Variants in DST observed in about 807,000 individuals in gnomAD.
DST encodes the protein bullous pemphigoid antigen.
DST carries 253 observed loss-of-function variants against 875.2 expected under a neutral mutation model. The observed-to-expected ratio is 0.29, with a 90% confidence interval of 0.26 to 0.32. The LOEUF (loss-of-function observed/expected upper bound fraction) is 0.32, where lower values mean the gene tolerates loss of function less well. Among genes scored for constraint, DST ranks in the 10% least tolerant of loss-of-function variants. DST has a pLI of 1.00. For missense variants in DST, 8,287 were observed against 9,111.6 expected (o/e 0.91, Z 3.68); for synonymous variants, 3,124 against 3,197.1 (o/e 0.98, Z 0.77).
chr6:56,576,941 G>A (rs112310223), intron 50 of DST, among the ~76,000 whole-genome samples: 55 of 152,236 alleles, frequency 3.6e-4, no homozygotes, highest in African/African-American at 1.1e-3. Flanking sequence ...TGGGCTAAAC[G>A]AAGACACTGT....
At chr6:56,843,709 G>T in intron 4 of DST, 1 of 356,360 alleles carries the variant, frequency 2.8e-6, no homozygotes, top group Non-Finnish European at 3.8e-6. Flanking sequence ...GGAGGGAGGA[G>T]GGTGGAGGGT....
chr6:56,604,129 C>A lies in DST; in HGVS notation c.10499G>T (p.Gly3500Val). ...AACATGTTCTATTTTCTCTGAATATCCATCAGCAAGCAGTTTGTAGAAAAT... is the reference window on the plus strand; with the variant it reads ...AACATGTTCTATTTTCTCTGAATATACATCAGCAAGCAGTTTGTAGAAAAT... ...ENIFYKLLAD[G>V]YSEKIEHVGD... Residue 3500 changes from glycine (G) to valine (V), a missense_variant, in exon 40 of 104, where the codon GGA becomes GTA. Gly to Val is a moderately radical substitution (Grantham distance 109). Transcript: ENST00000680361. The A allele has an allele frequency of 6.3e-7, 1 of 1,581,090 alleles. No individual in the cohort carries two copies. The highest frequency in any genetic ancestry group is 8.6e-7 in the Non-Finnish European group (1 of 1,161,322).
chr6:56,529,237 A>C (rs531422344), intron 66 of DST, among the ~76,000 whole-genome samples: 8 of 152,322 alleles, frequency 5.3e-5, no homozygotes, highest in Admixed American at 2.0e-4. Flanking sequence ...CAATAAAATA[A>C]CAAAATGAAA....
intron 9 of DST, chr6:56,693,383 G>A (rs2099245076): frequency 5.4e-6 from 6 of 1,117,432 alleles, no homozygotes; most frequent in Non-Finnish European, 6.6e-6. Flanking sequence ...CTTATTTCTG[G>A]CCACCAATCC....
chr6:56,648,099 G>T (rs1294245281), intron 13 of DST, among the ~76,000 whole-genome samples: 1 of 152,208 alleles, frequency 6.6e-6, no homozygotes, highest in Non-Finnish European at 1.5e-5. Flanking sequence ...AGTCAGACAT[G>T]TATTTTCAAA....
chr6:56,590,720 T>C (rs2098257148), intron 49 of DST, among the ~76,000 whole-genome samples: 1 of 152,158 alleles, frequency 6.6e-6, no homozygotes, highest in Admixed American at 6.5e-5. Flanking sequence ...ATCTCCCTAG[T>C]GTCCAGTGAA....
chr6:56,890,507 G>A (rs1786875411), intron 3 of DST, among the ~76,000 whole-genome samples: 1 of 152,146 alleles, frequency 6.6e-6, no homozygotes, highest in African/African-American at 2.4e-5. Context: ...AAATACATAT[G>A]TACTGAGAGG....
chr6:56,601,974 C>T (rs775351546), intron 43 of DST: 2 of 443,914 alleles, frequency 4.5e-6, no homozygotes, highest in Admixed American at 6.6e-5. Flanking sequence ...AAAGACCTAA[C>T]TTAGGTATAT....
At chr6:56,770,868 T>C (rs2099656397) in intron 4 of DST, among the ~76,000 whole-genome samples, 1 of 151,756 alleles carries the variant, frequency 6.6e-6, no homozygotes, top group African/African-American at 2.4e-5. Flanking sequence ...TGCATGGTGG[T>C]GCATGCCTGT....
rs766096264 is a variant in DST, at chr6:56,603,790, C to A, written c.10791+47G>T. On this transcript the variant is annotated intron_variant, in intron 40 of 103. Transcript: ENST00000680361. ...AAGCAAATGTATGGGATTATTCTCA[C>A]ATGGTTCATGCAGCTTTTTCTGTAT... The A allele has an allele frequency of 5.1e-6, 8 of 1,583,600 alleles. No individual in the cohort carries two copies. The East Asian group carries it at 1.3e-4, about 27-fold the overall frequency.
At chr6:56,745,218 C>T (rs138174914) in intron 4 of DST, among the ~76,000 whole-genome samples, 28 of 152,336 alleles carry the variant, frequency 1.8e-4, no homozygotes, top group East Asian at 5.8e-4. Context: ...GTTATTTCCA[C>T]GTAATTTCTT....
intron 3 of DST, among the ~76,000 whole-genome samples, chr6:56,897,280 C>T (rs1051635751): frequency 1.4e-5 from 2 of 140,118 alleles, no homozygotes; most frequent in African/African-American, 2.8e-5. Flanking sequence ...AATATCTTGG[C>T]AAAGAATACT....
chr6:56,777,016 C>T (rs2099680502), intron 4 of DST, among the ~76,000 whole-genome samples: 1 of 152,122 alleles, frequency 6.6e-6, no homozygotes, highest in African/African-American at 2.4e-5. Context: ...GTTTGGTCAT[C>T]CTAACATGGT....
Position 56,592,251 on chromosome 6 carries a change from C to T in DST, c.12834G>A (p.Ala4278=), listed in dbSNP as rs200168835. ...CAATAGGTTCAGATAAGTGTTTGCT[C>T]GCTGTGGCCTCACAGGCCTGGAGTC... ...LAGLQACEAT[A]SKHLSEPIAV... Residue 4278 remains alanine, a synonymous_variant, in exon 49 of 104, where the codon GCG becomes GCA. Coordinates refer to ENST00000680361, the MANE Select transcript of DST (RefSeq NM_001374736.1). The T allele has an allele frequency of 2.5e-4, 396 of 1,613,226 alleles. No individual in the cohort carries two copies. The highest frequency in any genetic ancestry group is 3.1e-4 in the Non-Finnish European group (360 of 1,179,630).
At chr6:56,863,277 C>A (rs1482462810) in intron 3 of DST, 1 of 152,200 alleles carries the variant, frequency 6.6e-6, no homozygotes, top group Non-Finnish European at 1.5e-5. Flanking sequence ...TGTCCCCTTT[C>A]ACACAGGAGT....
Position 56,607,355 on chromosome 6 carries a change from C to G in DST, c.7273G>C (p.Asp2425His), listed in dbSNP as rs770111085. The G allele has an allele frequency of 6.2e-7, 1 of 1,613,030 alleles. No homozygotes were observed. The highest frequency in any genetic ancestry group is 1.7e-5 in the Admixed American group (1 of 59,896). Residue 2425 changes from aspartate to histidine, a missense_variant, in exon 40 of 104, where the codon GAT (aspartate) becomes CAT (histidine). Physicochemically the swap from Asp to His is moderately conservative, Grantham distance 81. Around this residue, in one of 10 missense-constraint regions of DST, gnomAD observed 3,138 missense variants for 3,116.6 expected, o/e 1.01. Coordinates refer to ENST00000680361, the MANE Select transcript of DST (RefSeq NM_001374736.1). ...GGGGAATAGTCAAAGATAGGTGAAT[C>G]CCTGTTTGTATTATCTTCATTCTCT... ...ETENEDNTNR[D>H]SPIFDYSPRL...
At chr6:56,731,614 T>C (rs908117684) in intron 5 of DST, among the ~76,000 whole-genome samples, 10 of 152,248 alleles carry the variant, frequency 6.6e-5, no homozygotes, top group African/African-American at 1.9e-4. Flanking sequence ...TTGATGTGTT[T>C]CATCTCATTT....
chr6:56,757,286 C>T (rs1356959366), intron 4 of DST, among the ~76,000 whole-genome samples: 1 of 152,104 alleles, frequency 6.6e-6, no homozygotes, highest in Admixed American at 6.6e-5. Context: ...CATCAGATGT[C>T]CCTACAAACC....
intron 12 of DST, 58 bp downstream of exon 12, chr6:56,650,868 G>A: frequency 9.8e-7 from 1 of 1,018,834 alleles, no homozygotes; most frequent in Non-Finnish European, 1.5e-6. Context: ...ATCAATAAAT[G>A]CAGTCAATTG....
Sources: allele counts gnomAD v4.1 joint callset (sites outside exome capture counted in the v4.1 genomes callset), GRCh38; gene constraint gnomAD v4.1.1; regional missense constraint gnomAD v4.1.1; transcripts MANE v1.5; gene names NCBI Gene and HGNC (gene_info 2026-07-23, HGNC 2026-07-21).